Variants in LARGE1 observed in about 807,000 individuals in gnomAD.
LARGE1 encodes LARGE xylosyl- and glucuronyltransferase 1.
In LARGE1, 43 loss-of-function variants were observed where a neutral mutation model predicts 87.6. That is an observed-to-expected ratio of 0.49 (90% CI 0.38 to 0.63). LARGE1 has a LOEUF of 0.63. LARGE1 is among the 30% of genes least tolerant of loss of function. LARGE1 has a pLI of 0.00. For missense variants in LARGE1, 802 were observed against 1,000.2 expected (o/e 0.80, Z 2.67); for synonymous variants, 434 against 394.6 (o/e 1.10, Z -1.18).
chr22:33,843,340 G>A (rs2063334725), intron 1 of LARGE1, among the ~76,000 whole-genome samples: 1 of 151,884 alleles, frequency 6.6e-6, no homozygotes, highest in African/African-American at 2.4e-5. Context: ...GGGAGGCTGA[G>A]GCAGGAGAAT....
chr22:33,481,141 C>T (rs921935424), intron 6 of LARGE1, among the ~76,000 whole-genome samples: 5 of 149,400 alleles, frequency 3.3e-5, no homozygotes, highest in Admixed American at 1.3e-4. Flanking sequence ...AAAAAAAAAA[C>T]GCTTTAGTGA....
chr22:33,846,639 C>A (rs868153091), intron 1 of LARGE1, among the ~76,000 whole-genome samples: 2 of 152,290 alleles, frequency 1.3e-5, no homozygotes, highest in South Asian at 2.1e-4. Flanking sequence ...TCACTGAATT[C>A]TTTTTCTCAG....
chr22:33,856,269 A>G (rs1310874305), intron 1 of LARGE1, among the ~76,000 whole-genome samples: 1 of 152,174 alleles, frequency 6.6e-6, no homozygotes, highest in African/African-American at 2.4e-5. Flanking sequence ...CTCCACCCAG[A>G]CAAACACATG....
chr22:33,867,471 C>A (rs539615612), intron 1 of LARGE1, among the ~76,000 whole-genome samples: 38 of 152,294 alleles, frequency 2.5e-4, no homozygotes, highest in South Asian at 1.0e-3. Flanking sequence ...AAAACCCCTC[C>A]CCAGCCCTCG....
intron 2 of LARGE1, among the ~76,000 whole-genome samples, chr22:33,718,584 T>C (rs1056581309): frequency 3.9e-5 from 6 of 152,346 alleles, no homozygotes; most frequent in Middle Eastern, 6.8e-3. Flanking sequence ...ACATGGCCAG[T>C]GGGCTAAGTT....
chr22:33,322,588 T>C (rs1055838853), intron 10 of LARGE1: 4 of 152,210 alleles, frequency 2.6e-5, no homozygotes, highest in African/African-American at 4.8e-5. Flanking sequence ...AGCCCCTGTA[T>C]GTTAGGAGAG....
intron 7 of LARGE1, among the ~76,000 whole-genome samples, chr22:33,392,569 G>A (rs927867840): frequency 5.9e-5 from 9 of 152,192 alleles, no homozygotes; most frequent in Non-Finnish European, 1.0e-4. Context: ...TGAGGCAGAA[G>A]AATTGCTTGA....
At chr22:33,365,773 C>A (rs1347147782) in intron 9 of LARGE1, among the ~76,000 whole-genome samples, 1 of 152,086 alleles carries the variant, frequency 6.6e-6, no homozygotes, top group Admixed American at 6.6e-5. Flanking sequence ...TGCGCCACCA[C>A]GTCTGGCTAA....
intron 6 of LARGE1, among the ~76,000 whole-genome samples, chr22:33,500,613 T>G (rs1370003374): frequency 6.6e-6 from 1 of 152,178 alleles, no homozygotes. Flanking sequence ...AACTGCAGAA[T>G]CACTCTTTGG....
At chr22:33,395,183 C>T (rs984323466) in intron 7 of LARGE1, among the ~76,000 whole-genome samples, 6 of 145,822 alleles carry the variant, frequency 4.1e-5, no homozygotes, top group African/African-American at 7.8e-5. Context: ...GAGCCGAGAT[C>T]GCGCCGCTGC....
chr22:33,391,077 C>T (rs1337068165), intron 7 of LARGE1, among the ~76,000 whole-genome samples: 21 of 152,148 alleles, frequency 1.4e-4, no homozygotes, highest in South Asian at 2.1e-4. Flanking sequence ...ATGATCCACC[C>T]GCCTCGGCCT....
At position 33,913,283 on chromosome 22, in the gene LARGE1, T is replaced by C. The variant is rs549543945; in HGVS notation, c.-83+6712A>G. 2.7e-4 allele frequency among the ~76,000 whole-genome samples: 41 copies of C among 152,394 alleles called. No individual in the cohort carries two copies. The Middle Eastern group carries it at 0.014, about 51-fold the overall frequency. On this transcript the variant is annotated intron_variant, in intron 1 of 14. Coordinates refer to ENST00000397394, the MANE Select transcript of LARGE1 (RefSeq NM_133642.5). Reference sequence around the variant, plus strand: ...TTTTAAACCACTTTTGTTCTTGATATATTCTTAGAGGTAGAATGTGCGGGT... The same window carrying C: ...TTTTAAACCACTTTTGTTCTTGATACATTCTTAGAGGTAGAATGTGCGGGT...
At chr22:33,168,115 G>A (rs1196626136) in intron 11 of LARGE1, among the ~76,000 whole-genome samples, 4 of 152,070 alleles carry the variant, frequency 2.6e-5, no homozygotes, top group East Asian at 1.9e-4. Flanking sequence ...GCTTGGACCC[G>A]TCTCTGATCA....
Position 33,316,069 on chromosome 22 carries a change from A to C in LARGE1, c.1451+16T>G. 6.2e-7 allele frequency: 1 copy of C among 1,612,970 alleles called. No individual in the cohort carries two copies. The highest frequency in any genetic ancestry group is 1.1e-5 in the South Asian group (1 of 90,864). ...CGCGGTGAGGAGACTGGGGTGGGTG[A>C]GGCCGTCTGCCATACCTGTCCATGG... On this transcript the variant is annotated intron_variant, in intron 11 of 14. Coordinates refer to ENST00000397394, the MANE Select transcript of LARGE1 (RefSeq NM_133642.5).
At chr22:33,491,278 C>T (rs1190547990) in intron 6 of LARGE1, among the ~76,000 whole-genome samples, 1 of 152,152 alleles carries the variant, frequency 6.6e-6, no homozygotes, top group East Asian at 1.9e-4. Context: ...TGGCCACCCA[C>T]TACATGTAAT....
At chr22:33,266,488 T>C (rs1927948333) in intron 11 of LARGE1, among the ~76,000 whole-genome samples, 1 of 151,746 alleles carries the variant, frequency 6.6e-6, no homozygotes, top group Non-Finnish European at 1.5e-5. Context: ...CCTCCCGAAG[T>C]GCTGGGATTA....
chr22:33,582,068 C>A (rs2078537160), intron 5 of LARGE1, among the ~76,000 whole-genome samples: 1 of 152,126 alleles, frequency 6.6e-6, no homozygotes, highest in Admixed American at 6.5e-5. Flanking sequence ...ATATGAAGGG[C>A]AATTTTGCCC....
At chr22:33,775,614 G>C in intron 1 of LARGE1, among the ~76,000 whole-genome samples, 1 of 152,192 alleles carries the variant, frequency 6.6e-6, no homozygotes, top group East Asian at 1.9e-4. Flanking sequence ...CACTTTGGGA[G>C]GCTGAAGTGG....
chr22:33,617,189 T>C (rs767098619), intron 4 of LARGE1, among the ~76,000 whole-genome samples: 2 of 152,210 alleles, frequency 1.3e-5, no homozygotes, highest in Non-Finnish European at 2.9e-5. Context: ...GAGAGCTCTA[T>C]TTGTGGCCAC....
Sources: gnomAD v4.1 joint callset for allele counts (sites outside exome capture counted in the v4.1 genomes callset) on GRCh38, gnomAD v4.1.1 for gene constraint, MANE v1.5 for transcripts, NCBI Gene and HGNC (gene_info 2026-07-23, HGNC 2026-07-21) for gene names.